Variants in PLEKHG5 observed in about 807,000 individuals in gnomAD.
PLEKHG5 encodes pleckstrin homology and RhoGEF domain containing G5.
PLEKHG5 carries 52 observed loss-of-function variants against 103.8 expected under a neutral mutation model. The ratio of observed to expected loss-of-function variants is 0.50; its 90% confidence interval spans 0.40 to 0.63. The LOEUF (loss-of-function observed/expected upper bound fraction) is 0.63, where lower values mean the gene tolerates loss of function less well. PLEKHG5 is among the 30% of genes least tolerant of loss of function. The pLI is 0.00. For missense variants in PLEKHG5, 1,205 were observed against 1,347.6 expected, an observed-to-expected ratio of 0.89 and a Z score of 1.66; for synonymous variants, 592 against 575.5, an observed-to-expected ratio of 1.03 and a Z score of -0.41.
At chr1:6,499,711 C>T (rs928541818), upstream of PLEKHG5, among the ~76,000 whole-genome samples, 13 of 152,014 alleles carry the variant, frequency 8.6e-5, no homozygotes, top group South Asian at 6.2e-4. Context: ...CTACAGCCTT[C>T]GAGGAAAGGG....
In PLEKHG5 at chr1:6,491,626, C is replaced by A; in HGVS notation, c.-88+11G>T. On this transcript the variant is annotated intron_variant, in intron 1 of 20. Coordinates refer to ENST00000377728, the MANE Select transcript of PLEKHG5 (RefSeq NM_020631.6). The surrounding 1 kb of genome is among the most constrained non-coding windows in gnomAD (Gnocchi z 4.1). Reference sequence around the variant, plus strand: ...CCAGGAGAATAGGTGATTGCCTCTCCCATTACTCACATCCTGCCCGTCCCT... The same window carrying A: ...CCAGGAGAATAGGTGATTGCCTCTCACATTACTCACATCCTGCCCGTCCCT... 3 of 983,458 alleles carry A rather than the reference C, an allele frequency of 3.1e-6. No homozygotes were observed. Among genetic ancestry groups the A allele is most frequent in the Non-Finnish European group, 3.6e-6 (3 of 828,214 alleles). The allele number at this position is 983,458 out of a possible 1,614,324, so 60.9% of individuals were successfully genotyped here.
At chr1:6,519,313 T>G (rs921511682) in intron 1 of PLEKHG5, 1 of 761,392 alleles carries the variant, frequency 1.3e-6, no homozygotes, top group African/African-American at 1.7e-5. Flanking sequence ...AGCCTGCAAG[T>G]GGCTCTTAAA....
At position 6,469,692 on chromosome 1, in the gene PLEKHG5, G is replaced by T. The variant is rs369955570; in HGVS notation, c.1801-16C>A. 2.9e-5 allele frequency: 46 copies of T among 1,610,560 alleles called. No homozygotes were observed. Among genetic ancestry groups the T allele is most frequent in the South Asian group, 6.6e-5 (6 of 91,028 alleles). On this transcript the variant is annotated splice_polypyrimidine_tract_variant and intron_variant, in intron 16 of 20. Transcript: ENST00000377728. Reference sequence around the variant, plus strand: ...ACACATCCATCTGCAGTGGCAGGAGGGGGGGTGGCCAGAGAGGCCAGCAGG... The same window carrying T: ...ACACATCCATCTGCAGTGGCAGGAGTGGGGGTGGCCAGAGAGGCCAGCAGG...
intron 19 of PLEKHG5, 125 bp from the exon 20 acceptor site, chr1:6,468,711 C>T: frequency 5.1e-6 from 5 of 988,346 alleles, no homozygotes; most frequent in Non-Finnish European, 6.2e-6. Context: ...TCAGAGATGG[C>T]AGCATGTGGC....
chr1:6,510,672 G>T (rs988060222), intron 1 of PLEKHG5, among the ~76,000 whole-genome samples: 10 of 152,240 alleles, frequency 6.6e-5, no homozygotes, highest in African/African-American at 2.4e-4. Context: ...GTGACCCTGG[G>T]GGCGGGGGCC....
At chr1:6,479,199 C>G (rs945469093) in intron 1 of PLEKHG5, among the ~76,000 whole-genome samples, 1 of 151,082 alleles carries the variant, frequency 6.6e-6, no homozygotes, top group African/African-American at 2.4e-5. Flanking sequence ...TCCCAAGTGT[C>G]TAAATAACGT....
intron 5 of PLEKHG5, chr1:6,474,813 C>T: frequency 1.5e-6 from 1 of 657,012 alleles, no homozygotes; most frequent in Non-Finnish European, 2.7e-6. Context: ...CACACGCCTG[C>T]CCACACGCAG....
At chr1:6,482,184 C>A (rs893386862) in intron 1 of PLEKHG5, among the ~76,000 whole-genome samples, 1 of 152,186 alleles carries the variant, frequency 6.6e-6, no homozygotes, top group Non-Finnish European at 1.5e-5. Flanking sequence ...CCTCATTCGC[C>A]CTCCACGCTC....
chr1:6,511,927 G>A (rs1401417872), intron 1 of PLEKHG5, among the ~76,000 whole-genome samples: 4 of 152,226 alleles, frequency 2.6e-5, no homozygotes. Context: ...TCTCTTCCCT[G>A]TGCTCAGGAA....
At position 6,477,598 on chromosome 1, in the gene PLEKHG5, C is replaced by T; in HGVS notation, c.-27G>A. ...GTGCTGTGGAACTTGCTGTCACAGG[C>T]CTCGCAGAGGTTGAGGGGCCCCCGG... On this transcript the variant is annotated 5_prime_UTR_variant, in exon 2 of 21. Transcript: ENST00000377728. 4 of 1,611,678 alleles carry T rather than the reference C, an allele frequency of 2.5e-6. No homozygotes were observed. Among genetic ancestry groups the T allele is most frequent in the South Asian group, 2.2e-5 (2 of 91,086 alleles).
Position 6,468,250 on chromosome 1 carries a change from G to A in PLEKHG5, c.2586C>T (p.Thr862=). 6.2e-7 allele frequency: 1 copy of A among 1,602,148 alleles called. No homozygotes were observed. The highest frequency in any genetic ancestry group is 8.5e-7 in the Non-Finnish European group (1 of 1,172,456). ...GCGGGCAGCTCAACAGCTGGACAGG[G>A]GTGCGGCGGCGGAGACGGGGCGAGG... The part of the protein sequence containing the change: ...PPPSPRLRRR[T]PVQLLSCPPH... The change falls in exon 20 of 21, where the codon ACC becomes ACT. Residue 862 remains threonine (T), a synonymous_variant. Coordinates refer to ENST00000377728, the MANE Select transcript of PLEKHG5 (RefSeq NM_020631.6).
At chr1:6,481,332 A>G (rs1569917097) in intron 1 of PLEKHG5, among the ~76,000 whole-genome samples, 1 of 151,178 alleles carries the variant, frequency 6.6e-6, no homozygotes, top group South Asian at 2.1e-4. Flanking sequence ...GGAGTTCGAG[A>G]CCAGCCTGAC....
rs529635950 is a variant in PLEKHG5, at chr1:6,489,732, C to T, written c.-88+1905G>A. On this transcript the variant is annotated intron_variant, in intron 1 of 20. Coordinates refer to ENST00000377728, the MANE Select transcript of PLEKHG5 (RefSeq NM_020631.6). ...ACCTGGTCTGGAGCCTACGTTCCCC[C>T]ACCCTTCCCCTACTGGGCCTCAATT... Among the ~76,000 whole-genome samples the T allele has an allele frequency of 1.1e-3, 170 of 152,308 alleles. 6 individuals are homozygous for T. In the South Asian group the frequency reaches 0.034, roughly 30 times the overall value.
Position 6,468,021 on chromosome 1 carries a change from G to C in PLEKHG5, c.2815C>G (p.Pro939Ala). Residue 939 changes from proline to alanine, a missense_variant, in exon 20 of 21, where the codon CCT (proline) becomes GCT (alanine). Pro to Ala is a conservative substitution (Grantham distance 27). Coordinates refer to ENST00000377728, the MANE Select transcript of PLEKHG5 (RefSeq NM_020631.6). ...CCGGCCAGGCAGCCGACTAGCCCAG[G>C]ACCGCTGCCAGGGCTAGGGGCCCCT... is the stretch of plus-strand genomic sequence containing the variant. ...CRGAPSPGSG[P>A]GLVGCLAGEP... The C allele has an allele frequency of 6.4e-7, 1 of 1,553,696 alleles. No individual in the cohort carries two copies. Among genetic ancestry groups the C allele is most frequent in the South Asian group, 1.2e-5 (1 of 85,334 alleles).
rs368794476 is a variant in PLEKHG5, at chr1:6,504,821, G to A, written c.-164-8252C>T. 6.2e-4 allele frequency among the ~76,000 whole-genome samples: 95 copies of A among 152,160 alleles called. 2 individuals are homozygous for A. Among genetic ancestry groups the A allele is most frequent in the African/African-American group, 2.1e-3 (89 of 41,520 alleles). ...CCTGACCTCGTGATCCGCCTGCCTC[G>A]GCCTCCCAAAGTGCTGGGATTACAG... On this transcript the variant is annotated intron_variant, in intron 1 of 21. Transcript: ENST00000377740.
In PLEKHG5 at chr1:6,505,408, T is replaced by C. The variant is rs1242664840; in HGVS notation, c.-164-8839A>G. ...GCTGTTTGAAGCTCCCTGTGTGTCA[T>C]CCCCATTAGTGCTCTCAGCCTCCCA... On this transcript the variant is annotated intron_variant, in intron 1 of 21. Transcript: ENST00000377740. The surrounding 1 kb of genome is among the most constrained non-coding windows in gnomAD (Gnocchi z 4.2). Among the ~76,000 whole-genome samples the C allele has an allele frequency of 6.6e-6, 1 of 152,048 alleles. No homozygotes were observed. Among genetic ancestry groups the C allele is most frequent in the Non-Finnish European group, 1.5e-5 (1 of 67,994 alleles).
At chr1:6,472,462 C>T in intron 10 of PLEKHG5, 65 bp downstream of exon 10, 1 of 1,146,422 alleles carries the variant, frequency 8.7e-7, no homozygotes, top group Non-Finnish European at 1.3e-6. Context: ...GGCTCAGACT[C>T]AGCTGAGGGC....
At chr1:6,518,802 C>T (rs1638696480) in intron 1 of PLEKHG5, among the ~76,000 whole-genome samples, 1 of 152,190 alleles carries the variant, frequency 6.6e-6, no homozygotes, top group Admixed American at 6.5e-5. Flanking sequence ...ACGAGAGCCA[C>T]AGCAGCAAAG....
chr1:6,470,477 C>T (rs1385159847), intron 15 of PLEKHG5, 29 bp downstream of exon 15: 5 of 1,610,756 alleles, frequency 3.1e-6, no homozygotes, highest in East Asian at 4.5e-5. Flanking sequence ...CTCTCCCAGC[C>T]GGCAACCCCC....
Sources: gnomAD v4.1 joint callset for allele counts (sites outside exome capture counted in the v4.1 genomes callset) on GRCh38, gnomAD v4.1.1 for gene constraint, Gnocchi (gnomAD v3.1) non-coding constraint, MANE v1.5 for transcripts, NCBI Gene and HGNC (gene_info 2026-07-23, HGNC 2026-07-21) for gene names.